The following ARHGEF10L variants were observed in gnomAD, a reference collection of about 807,000 sequenced individuals.
ARHGEF10L encodes the protein Rho guanine nucleotide exchange factor 10 like, also known as rho guanine nucleotide exchange factor 10-like protein.
A neutral mutation model predicts 141.2 loss-of-function variants in ARHGEF10L; 69 were observed. The observed-to-expected ratio is 0.49, with a 90% CI of 0.40 to 0.60. ARHGEF10L has a LOEUF of 0.60. Among genes scored for constraint, ARHGEF10L ranks in the 20% least tolerant of loss-of-function variants. The probability of loss-of-function intolerance (pLI) is 0.00; values close to 1 mark genes in which losing one functional copy is unlikely to be tolerated. For missense variants in ARHGEF10L, 1,482 were observed against 1,734.3 expected (o/e 0.85, Z 2.58); for synonymous variants, 711 against 718.5 (o/e 0.99, Z 0.17).
intron 26 of ARHGEF10L, among the ~76,000 whole-genome samples, chr1:17,686,542 A>G (rs950660862): frequency 1.3e-5 from 2 of 152,052 alleles, no homozygotes; most frequent in Admixed American, 1.3e-4. Context: ...TGCCTCCTGG[A>G]CTGAGGACGC....
At position 17,656,063 on chromosome 1, in the gene ARHGEF10L, C is replaced by A; in HGVS notation, c.2666C>A (p.Thr889Lys). ...CCGACAGTTGCTGACCCCTCGGCCA[C>A]GGTGCATCCAACCATCTGCCTCGGG... ...ESPTVADPSA[T>K]VHPTICLGLQ... The change falls in exon 24 of 29, where the codon ACG becomes AAG. Residue 889 changes from threonine to lysine, a missense_variant. Physicochemically the swap from Thr to Lys is moderately conservative, Grantham distance 78 (BLOSUM62 -1). Transcript: ENST00000361221. The surrounding 1 kb of genome is among the most constrained non-coding windows in gnomAD (Gnocchi z 4.9). 6.4e-7 allele frequency: 1 copy of A among 1,563,362 alleles called. No individual in the cohort carries two copies. Among genetic ancestry groups the A allele is most frequent in the South Asian group, 1.2e-5 (1 of 84,830 alleles).
rs35255680 is a variant in ARHGEF10L, at chr1:17,654,689, A to C, written c.2448A>C (p.Ala816=). 280,755 of 1,613,834 alleles carry C rather than the reference A, an allele frequency of 0.17. 25,497 individuals are homozygous for C. The highest frequency in any genetic ancestry group is 0.29 in the African/African-American group (21,779 of 74,948). Residue 816 remains alanine (A), a synonymous_variant, in exon 23 of 29, where the codon GCA becomes GCC. Transcript: ENST00000361221. The surrounding 1 kb of genome is among the most constrained non-coding windows in gnomAD (Gnocchi z 4.3). Reference sequence around the variant, plus strand: ...ACTGTCCCCTGCTGGGTTTCTCAGCAGTCAGCACCTCCCTTCCACAGGGCT... The same window carrying C: ...ACTGTCCCCTGCTGGGTTTCTCAGCCGTCAGCACCTCCCTTCCACAGGGCT... The part of the protein sequence containing the change: ...PVNCPLLGFS[A]VSTSLPQGYL...
Position 17,615,073 on chromosome 1 carries a change from C to G in ARHGEF10L, c.727-1021C>G, listed in dbSNP as rs868027707. The stretch of plus-strand genomic sequence containing the variant: ...ACGTGGCTCTTTAAATGGAAATTAA[C>G]TAAAAGTAAATATAATTAGAAATTT... On this transcript the variant is annotated intron_variant, in intron 8 of 28. Coordinates refer to ENST00000361221, the MANE Select transcript of ARHGEF10L (RefSeq NM_018125.4). This position sits in a 1 kb window ranked among gnomAD's most constrained non-coding sequence, Gnocchi z 4.7. 2.6e-5 allele frequency: 4 copies of G among 152,308 alleles called. No homozygotes were observed. Among genetic ancestry groups the G allele is most frequent in the African/African-American group, 7.2e-5 (3 of 41,560 alleles). 9.4% of individuals were successfully genotyped at this position (152,308 alleles called of 1,614,324 possible). A position where few individuals can be genotyped will look rare whatever the true frequency, so the allele number is the denominator to read the frequency against.
intron 22 of ARHGEF10L, among the ~76,000 whole-genome samples, chr1:17,650,732 C>CAAA (rs71575854): frequency 6.4e-5 from 5 of 77,876 alleles, no homozygotes; most frequent in African/African-American, 1.0e-4. Context: ...GACCCTGTCT[C>CAAA]AAAAAAAAAA....
rs113848556 is a variant in ARHGEF10L at position 17,655,747 on chromosome 1, C to T, written c.2482-132C>T. The T allele has an allele frequency of 2.0e-4, 154 of 788,164 alleles. No individual in the cohort carries two copies. In the African/African-American group the frequency reaches 2.4e-3, roughly 12 times the overall value. 48.8% of individuals were successfully genotyped at this position (788,164 alleles called of 1,614,324 possible). ...TGGGGATAAATGACCTTTGTGAAGG[C>T]AGGATGTGTGTGGGCAGGAGAAGGG... On this transcript the variant is annotated intron_variant, in intron 23 of 28. Transcript: ENST00000361221.
At chr1:17,601,764 A>G (rs12724758) in intron 4 of ARHGEF10L, among the ~76,000 whole-genome samples, 23,630 of 152,142 alleles carry the variant, frequency 0.16, 2,516 homozygotes, top group South Asian at 0.36. Context: ...GTTTCTTTCA[A>G]GAGGCAGGGA....
rs747217307 is a variant in ARHGEF10L at position 17,623,568 on chromosome 1, G to A, written c.1200+393G>A. Among the ~76,000 whole-genome samples the A allele has an allele frequency of 3.9e-5, 6 of 152,176 alleles. No homozygotes were observed. Among genetic ancestry groups the A allele is most frequent in the South Asian group, 2.1e-4 (1 of 4,832 alleles). On this transcript the variant is annotated intron_variant, in intron 12 of 28. Transcript: ENST00000361221. The surrounding 1 kb of genome is among the most constrained non-coding windows in gnomAD (Gnocchi z 4.7). ...AACTTTGGCCCGGAGAGGATGTGCCGCAGTGCTGGGGAAAGGGCACTGGCT... is the reference window on the plus strand; with the variant it reads ...AACTTTGGCCCGGAGAGGATGTGCCACAGTGCTGGGGAAAGGGCACTGGCT...
chr1:17,675,664 T>C (rs1288974246), intron 26 of ARHGEF10L, among the ~76,000 whole-genome samples: 1 of 147,512 alleles, frequency 6.8e-6, no homozygotes, highest in Non-Finnish European at 1.5e-5. Context: ...CAGGCATGGG[T>C]GCAGGTGTGG....
intron 1 of ARHGEF10L, among the ~76,000 whole-genome samples, chr1:17,555,872 A>G (rs374424404): frequency 2.0e-5 from 3 of 152,034 alleles, no homozygotes; most frequent in Non-Finnish European, 1.5e-5. Flanking sequence ...AGGCTCCTGT[A>G]ATTGGAACCA....
chr1:17,691,896 G>T (rs140295502), intron 27 of ARHGEF10L, among the ~76,000 whole-genome samples: 2 of 152,254 alleles, frequency 1.3e-5, no homozygotes, highest in Non-Finnish European at 2.9e-5. Flanking sequence ...AGTCTACCAT[G>T]AGCCAAGGTA....
At chr1:17,640,011 G>C in intron 20 of ARHGEF10L, 191 bp from the exon 21 acceptor site, 2 of 1,467,856 alleles carry the variant, frequency 1.4e-6, no homozygotes, top group Middle Eastern at 4.6e-4. Context: ...ATTGTGGGCG[G>C]AGGGATTCCT....
At position 17,619,417 on chromosome 1, in the gene ARHGEF10L, C is replaced by T; in HGVS notation, c.914C>T (p.Pro305Leu). 6.2e-7 allele frequency: 1 copy of T among 1,611,288 alleles called. No homozygotes were observed. The highest frequency in any genetic ancestry group is 8.5e-7 in the Non-Finnish European group (1 of 1,179,176). ...DIKPPAPELGPMPEGLSPQQV... is the reference protein window; with the variant it reads ...DIKPPAPELGLMPEGLSPQQV... ...AAGCCCCCAGCCCCAGAGCTGGGCC[C>T]CATGCCAGAGGGCCTGAGCCCTCAG... The change falls in exon 10 of 29, where the codon CCC (proline) becomes CTC (leucine). Residue 305 changes from proline (P) to leucine (L), a missense_variant. Transcript: ENST00000361221. The surrounding 1 kb of genome is among the most constrained non-coding windows in gnomAD (Gnocchi z 5.0).
At chr1:17,659,245 T>C (rs1447345564) in intron 25 of ARHGEF10L, among the ~76,000 whole-genome samples, 1 of 152,156 alleles carries the variant, frequency 6.6e-6, no homozygotes, top group Non-Finnish European at 1.5e-5. Flanking sequence ...TCTCTGGGTG[T>C]CCAGTTTGGC....
chr1:17,585,851 C>T (rs111910402), intron 2 of ARHGEF10L, among the ~76,000 whole-genome samples: 1,860 of 152,266 alleles, frequency 0.012, 39 homozygotes, highest in African/African-American at 0.042. Context: ...GAGCATTTGC[C>T]AGGGCTGGGT....
chr1:17,626,100 G>A, intron 14 of ARHGEF10L, 52 bp downstream of exon 14: 1 of 1,552,146 alleles, frequency 6.4e-7, no homozygotes, highest in Non-Finnish European at 8.9e-7. Flanking sequence ...CCTGTGGGCT[G>A]GGAGGTGCCT....
chr1:17,652,437 G>A (rs368814147), intron 22 of ARHGEF10L, among the ~76,000 whole-genome samples: 1 of 152,252 alleles, frequency 6.6e-6, no homozygotes. Flanking sequence ...AAACTAGGGT[G>A]GTCACAGCAC....
rs1409053863 is a variant in ARHGEF10L at position 17,625,518 on chromosome 1, G to A, written c.1318-438G>A. ...TGGGATTGCAGCATATGGGGGCCAG[G>A]ACCAGGTAACAGGTGTGTGGATGGA... On this transcript the variant is annotated intron_variant, in intron 13 of 28. Transcript: ENST00000361221. This position sits in a 1 kb window ranked among gnomAD's most constrained non-coding sequence, Gnocchi z 4.5. Among the ~76,000 whole-genome samples the A allele has an allele frequency of 2.0e-5, 3 of 152,190 alleles. No individual in the cohort carries two copies. Among genetic ancestry groups the A allele is most frequent in the Non-Finnish European group, 4.4e-5 (3 of 68,032 alleles).
intron 17 of ARHGEF10L, 60 bp from the exon 18 acceptor site, chr1:17,634,775 C>A: frequency 6.5e-7 from 1 of 1,526,976 alleles, no homozygotes; most frequent in Non-Finnish European, 8.8e-7. Context: ...ATGCCCTGGG[C>A]CAGCCCTGGG....
At chr1:17,664,652 C>T in intron 26 of ARHGEF10L, 57 bp downstream of exon 26, 12 of 1,451,672 alleles carry the variant, frequency 8.3e-6, no homozygotes, top group Non-Finnish European at 1.1e-5. Flanking sequence ...TTTGCTGACC[C>T]TTTCTTATGT....
Sources: allele counts gnomAD v4.1 joint callset (sites outside exome capture counted in the v4.1 genomes callset), GRCh38; gene constraint gnomAD v4.1.1; non-coding constraint Gnocchi (gnomAD v3.1); transcripts MANE v1.5; gene names NCBI Gene and HGNC (gene_info 2026-07-23, HGNC 2026-07-21).